Variants in PKN2 observed in about 807,000 individuals in gnomAD.
The protein encoded by PKN2 is serine/threonine-protein kinase N2.
In PKN2, 38 loss-of-function variants were observed where a neutral mutation model predicts 119.1. That is an observed-to-expected ratio of 0.32 (90% CI 0.25 to 0.42). The LOEUF is 0.42. PKN2 is among the 10% of genes least tolerant of loss of function. The pLI is 1.00. For missense variants in PKN2, 850 were observed against 1,165.1 expected, an observed-to-expected ratio of 0.73 and a Z score of 3.94; for synonymous variants, 390 against 384.9, an observed-to-expected ratio of 1.01 and a Z score of -0.15.
intron 1 of PKN2, among the ~76,000 whole-genome samples, chr1:88,728,475 C>T (rs1207008195): frequency 6.6e-6 from 1 of 151,784 alleles, no homozygotes; most frequent in African/African-American, 2.4e-5. Context: ...TATCTAATGT[C>T]TTTCTTCTCA....
At chr1:88,797,982 C>A (rs181060245) in intron 8 of PKN2, among the ~76,000 whole-genome samples, 3 of 151,962 alleles carry the variant, frequency 2.0e-5, no homozygotes, top group Admixed American at 1.3e-4. Flanking sequence ...AAAAAGAAAA[C>A]AATTTTTAAA....
intron 1 of PKN2, among the ~76,000 whole-genome samples, chr1:88,729,553 G>A (rs980267665): frequency 1.3e-5 from 2 of 152,044 alleles, no homozygotes; most frequent in East Asian, 1.9e-4. Flanking sequence ...GGTTTCTCTC[G>A]TCTTCCATGT....
At chr1:88,783,336 T>A (rs1670433303) in intron 6 of PKN2, among the ~76,000 whole-genome samples, 1 of 152,218 alleles carries the variant, frequency 6.6e-6, no homozygotes, top group Admixed American at 6.5e-5. Flanking sequence ...TGGCTCCGCC[T>A]GAGTTTCCCC....
rs557858930 is a variant in PKN2, at chr1:88,695,083, C to T, written c.48+10455C>T. On this transcript the variant is annotated intron_variant, in intron 1 of 21. Coordinates refer to ENST00000370521, the MANE Select transcript of PKN2 (RefSeq NM_006256.4). ...CAGAGCTTGCAGTGAGCCGAGATTG[C>T]GCCACTGCACTCCAGCCTGGGCGAC... is the stretch of plus-strand genomic sequence containing the variant. Among the ~76,000 whole-genome samples, 9 of 151,622 alleles carry T rather than the reference C, an allele frequency of 5.9e-5. No homozygotes were observed. In the East Asian group the frequency reaches 9.7e-4, roughly 16 times the overall value.
At chr1:88,750,531 TTAATCATA>T (rs1668945108) in intron 2 of PKN2, among the ~76,000 whole-genome samples, 1 of 152,184 alleles carries the variant, frequency 6.6e-6, no homozygotes, top group Admixed American at 6.5e-5. Context: ...TAAGGAAATT[TTAATCATA>T]TCCTATTTTC....
chr1:88,714,559 G>A (rs185333087), intron 1 of PKN2, among the ~76,000 whole-genome samples: 35 of 150,092 alleles, frequency 2.3e-4, no homozygotes, highest in Non-Finnish European at 4.4e-4. Flanking sequence ...GAATGGGAGT[G>A]ATTTGGTTCT....
rs569953895 is a variant in PKN2 at position 88,758,129 on chromosome 1, T to C, written c.350-2093T>C. Among the ~76,000 whole-genome samples the C allele has an allele frequency of 1.6e-4, 25 of 152,128 alleles. No individual in the cohort carries two copies. In the East Asian group the frequency reaches 4.4e-3, roughly 27 times the overall value. On this transcript the variant is annotated intron_variant, in intron 2 of 21. Transcript: ENST00000370521. The stretch of plus-strand genomic sequence containing the variant: ...TGGTTCTTTCTGAAGTTTTATTTAT[T>C]TATTTTTGCAAAATGAAAATTATTT...
chr1:88,778,403 A>G (rs1170029519), intron 6 of PKN2, among the ~76,000 whole-genome samples: 1 of 152,116 alleles, frequency 6.6e-6, no homozygotes, highest in East Asian at 1.9e-4. Context: ...ACACTTTACA[A>G]CTCTGCATTT....
At chr1:88,813,111 T>C (rs11808785) in intron 15 of PKN2, among the ~76,000 whole-genome samples, 10,168 of 152,198 alleles carry the variant, frequency 0.067, 695 homozygotes, top group African/African-American at 0.18. Context: ...CAACTTCATA[T>C]CAATTTTATA....
At chr1:88,689,745 A>C (rs1388071340) in intron 1 of PKN2, among the ~76,000 whole-genome samples, 1 of 152,222 alleles carries the variant, frequency 6.6e-6, no homozygotes, top group Non-Finnish European at 1.5e-5. Flanking sequence ...CAGGAGGCGG[A>C]GGTTGCAGTG....
intron 16 of PKN2, among the ~76,000 whole-genome samples, chr1:88,816,236 T>G (rs1029377727): frequency 6.6e-6 from 1 of 152,172 alleles, no homozygotes; most frequent in Admixed American, 6.6e-5. Flanking sequence ...TTTAACTATC[T>G]TAAGCAATTT....
chr1:88,763,755 AAC>A (rs1443154341), intron 3 of PKN2, among the ~76,000 whole-genome samples: 22 of 152,314 alleles, frequency 1.4e-4, no homozygotes, highest in African/African-American at 5.3e-4. Context: ...CAGCAGTGAA[AAC>A]AGTGAAGATA....
chr1:88,732,516 C>T (rs750102593), intron 1 of PKN2, among the ~76,000 whole-genome samples: 65 of 152,086 alleles, frequency 4.3e-4, no homozygotes, highest in Non-Finnish European at 6.3e-4. Flanking sequence ...TGTTATGACA[C>T]TTAGGTAGCA....
At chr1:88,760,782 T>C (rs2100781746) in intron 3 of PKN2, among the ~76,000 whole-genome samples, 1 of 152,260 alleles carries the variant, frequency 6.6e-6, no homozygotes, top group African/African-American at 2.4e-5. Context: ...TCTTTGTTGT[T>C]GTTTTTTTTG....
chr1:88,698,159 C>T (rs1446946105), intron 1 of PKN2, among the ~76,000 whole-genome samples: 4 of 152,116 alleles, frequency 2.6e-5, no homozygotes, highest in Non-Finnish European at 5.9e-5. Context: ...TATTTTTTAA[C>T]CTTTTTTTGT....
intron 1 of PKN2, among the ~76,000 whole-genome samples, chr1:88,699,571 G>C (rs954289622): frequency 6.6e-6 from 1 of 151,886 alleles, no homozygotes; most frequent in Non-Finnish European, 1.5e-5. Context: ...TGCTCTCCCT[G>C]CTGTCATCCC....
intron 1 of PKN2, among the ~76,000 whole-genome samples, chr1:88,692,935 A>G (rs1376228023): frequency 6.6e-6 from 1 of 152,224 alleles, no homozygotes; most frequent in East Asian, 1.9e-4. Flanking sequence ...GAAAGGGTAA[A>G]GTTATATTAA....
intron 16 of PKN2, among the ~76,000 whole-genome samples, chr1:88,814,485 TC>T (rs1367947609): frequency 1.3e-5 from 2 of 152,164 alleles, no homozygotes; most frequent in African/African-American, 4.8e-5. Context: ...AATTTGTGTT[TC>T]CAGCCCCGTC....
chr1:88,705,603 C>T (rs1164825200), intron 1 of PKN2, among the ~76,000 whole-genome samples: 1 of 151,912 alleles, frequency 6.6e-6, no homozygotes, highest in Admixed American at 6.6e-5. Flanking sequence ...GAGGCTGAGG[C>T]AGGAGAATGG....
Sources: allele counts gnomAD v4.1 joint callset (sites outside exome capture counted in the v4.1 genomes callset), GRCh38; gene constraint gnomAD v4.1.1; transcripts MANE v1.5; gene names NCBI Gene and HGNC (gene_info 2026-07-23, HGNC 2026-07-21).